The following USP34 variants were observed in gnomAD, a reference collection of about 807,000 sequenced individuals.
USP34 encodes the protein ubiquitin carboxyl-terminal hydrolase 34.
In USP34, 70 loss-of-function variants were observed where a neutral mutation model predicts 460.3. The ratio of observed to expected loss-of-function variants is 0.15; its 90% CI spans 0.13 to 0.19. The LOEUF is 0.19. Among genes scored for constraint, USP34 ranks in the 10% least tolerant of loss-of-function variants. USP34 has a pLI of 1.00. For synonymous variants in USP34, 1,647 were observed against 1,405.3 expected (o/e 1.17, Z -3.85); for missense variants, 3,985 against 4,236.2 (o/e 0.94, Z 1.65).
intron 10 of USP34, among the ~76,000 whole-genome samples, chr2:61,362,140 T>C (rs1692294635): frequency 1.3e-5 from 2 of 152,096 alleles, no homozygotes; most frequent in African/African-American, 2.4e-5. Context: ...ACAACTATTA[T>C]CAAAAAGACA....
intron 1 of USP34, among the ~76,000 whole-genome samples, chr2:61,429,697 A>G (rs1239407492): frequency 6.6e-6 from 1 of 152,228 alleles, no homozygotes; most frequent in Non-Finnish European, 1.5e-5. Context: ...TGATGCACCA[A>G]CAAGCAACAT....
rs760715193 is a variant in USP34 at position 61,383,340 on chromosome 2, T to C, written c.754-4A>G. ...GAATATGTAGCCATATTCTAATCTATATAAGAAACATAAAAACAACATTAA... is the reference window on the plus strand; with the variant it reads ...GAATATGTAGCCATATTCTAATCTACATAAGAAACATAAAAACAACATTAA... On this transcript the variant is annotated splice_region_variant and splice_polypyrimidine_tract_variant and intron_variant, in intron 5 of 79. Coordinates refer to ENST00000398571, the MANE Select transcript of USP34 (RefSeq NM_014709.4). 1.9e-6 allele frequency: 3 copies of C among 1,588,652 alleles called. No individual in the cohort carries two copies. Among genetic ancestry groups the C allele is most frequent in the South Asian group, 2.3e-5 (2 of 87,902 alleles).
chr2:61,364,538 C>G (rs568107362), intron 10 of USP34, among the ~76,000 whole-genome samples: 67 of 152,218 alleles, frequency 4.4e-4, no homozygotes, highest in African/African-American at 1.6e-3. Context: ...AACTTGTACA[C>G]ATATAAATGG....
At chr2:61,446,497 T>G (rs1220767110) in intron 1 of USP34, among the ~76,000 whole-genome samples, 2 of 152,158 alleles carry the variant, frequency 1.3e-5, no homozygotes, top group African/African-American at 2.4e-5. Context: ...TCTGTTACAT[T>G]AAAATCCAGT....
intron 20 of USP34, among the ~76,000 whole-genome samples, chr2:61,328,753 T>A (rs565896157): frequency 6.6e-6 from 1 of 152,328 alleles, no homozygotes; most frequent in East Asian, 1.9e-4. Flanking sequence ...GTCAATGCAG[T>A]GAACAACTAA....
chr2:61,467,211 G>A (rs1017023288), intron 1 of USP34, among the ~76,000 whole-genome samples: 4 of 151,944 alleles, frequency 2.6e-5, no homozygotes, highest in South Asian at 4.2e-4. Context: ...GCTGAGGCAG[G>A]AGAATTGCTG....
At chr2:61,269,887 T>C (rs1689162692) in intron 41 of USP34, among the ~76,000 whole-genome samples, 1 of 152,178 alleles carries the variant, frequency 6.6e-6, no homozygotes, top group African/African-American at 2.4e-5. Context: ...TACCTGTGAT[T>C]TCAAGCATTT....
rs574782632 is a variant in USP34, at chr2:61,339,654, T to G, written c.2528A>C (p.Asn843Thr). Reference protein sequence around the residue: ...QGPVVHKHQFNSNAVTDINLD... With the variant: ...QGPVVHKHQFTSNAVTDINLD... ...ATTAATGTCTGTAACAGCATTACTG[T>G]TGAATTGATGTTTATGAACTACAGG... The change falls in exon 17 of 80, where the codon AAC becomes ACC. Residue 843 changes from asparagine to threonine, a missense_variant. This residue lies in a region of USP34 where 716 missense variants were observed against 626.2 expected (regional missense o/e 1.14). Coordinates refer to ENST00000398571, the MANE Select transcript of USP34 (RefSeq NM_014709.4). 1.3e-6 allele frequency: 2 copies of G among 1,544,858 alleles called. No individual in the cohort carries two copies. Among genetic ancestry groups the G allele is most frequent in the African/African-American group, 2.8e-5 (2 of 71,330 alleles).
chr2:61,242,458 TACACACACACACACAC>T (rs67471702), intron 51 of USP34, among the ~76,000 whole-genome samples: 47 of 129,776 alleles, frequency 3.6e-4, no homozygotes, highest in African/African-American at 8.3e-4. Flanking sequence ...AGATAATACA[TACACACACACACACAC>T]ACACACACAC....
intron 62 of USP34, among the ~76,000 whole-genome samples, chr2:61,225,320 C>T (rs1279848390): frequency 3.3e-5 from 5 of 151,938 alleles, no homozygotes; most frequent in Non-Finnish European, 7.4e-5. Flanking sequence ...CAGAATAATA[C>T]TTTTATTACA....
intron 1 of USP34, among the ~76,000 whole-genome samples, chr2:61,463,064 A>ACTT (rs1695652983): frequency 1.3e-5 from 2 of 152,174 alleles, no homozygotes; most frequent in African/African-American, 4.8e-5. Flanking sequence ...TTTAGATTAA[A>ACTT]TGTCTACTGA....
intron 21 of USP34, among the ~76,000 whole-genome samples, chr2:61,322,229 TCAAAA>T (rs754586142): frequency 2.6e-5 from 4 of 151,856 alleles, no homozygotes; most frequent in South Asian, 2.1e-4. Context: ...AGACTCTGTC[TCAAAA>T]CAAAACAAAG....
chr2:61,274,549 G>A (rs1209455280), intron 41 of USP34, among the ~76,000 whole-genome samples: 2 of 151,802 alleles, frequency 1.3e-5, no homozygotes, highest in Non-Finnish European at 2.9e-5. Flanking sequence ...AGGGATAAAG[G>A]AAAAGGATCT....
At chr2:61,434,145 C>T (rs888041967) in intron 1 of USP34, among the ~76,000 whole-genome samples, 1 of 152,204 alleles carries the variant, frequency 6.6e-6, no homozygotes, top group Non-Finnish European at 1.5e-5. Context: ...CACCCTTACT[C>T]AGTGCCTAAG....
intron 21 of USP34, among the ~76,000 whole-genome samples, chr2:61,323,783 G>C (rs1048050062): frequency 1.3e-4 from 20 of 152,142 alleles, no homozygotes; most frequent in African/African-American, 4.6e-4. Flanking sequence ...GTTTTAGTTT[G>C]ACTTCTCCCT....
intron 5 of USP34, among the ~76,000 whole-genome samples, chr2:61,391,472 G>A (rs541294275): frequency 4.6e-5 from 7 of 152,224 alleles, no homozygotes; most frequent in East Asian, 1.9e-4. Flanking sequence ...ACGTTAGTCC[G>A]TATCTTTCCT....
chr2:61,415,835 T>TA (rs1485081900), intron 2 of USP34, among the ~76,000 whole-genome samples: 1 of 152,236 alleles, frequency 6.6e-6, no homozygotes, highest in Non-Finnish European at 1.5e-5. Flanking sequence ...TAAGTAGAAT[T>TA]ATATGCTGCC....
chr2:61,270,903 T>G (rs6737373), intron 41 of USP34, among the ~76,000 whole-genome samples: 64,312 of 152,070 alleles, frequency 0.42, 14,221 homozygotes, highest in South Asian at 0.7. Context: ...CATGAAACCA[T>G]TGCTTTCCTA....
chr2:61,339,489 T>A lies in USP34; in HGVS notation c.2617-11A>T, dbSNP rs148311876. 1 of 1,563,192 alleles carries A rather than the reference T, an allele frequency of 6.4e-7. No homozygotes were observed. Among genetic ancestry groups the A allele is most frequent in the East Asian group, 2.3e-5 (1 of 43,166 alleles). ...TTCAGAAAGATTAACCTATAAAAAA[T>A]GTATATAAAATTACTATTTATCCTA... On this transcript the variant is annotated splice_polypyrimidine_tract_variant and intron_variant, in intron 17 of 79. Coordinates refer to ENST00000398571, the MANE Select transcript of USP34 (RefSeq NM_014709.4).
Sources: allele counts gnomAD v4.1 joint callset (sites outside exome capture counted in the v4.1 genomes callset), GRCh38; gene constraint gnomAD v4.1.1; regional missense constraint gnomAD v4.1.1; transcripts MANE v1.5; gene names NCBI Gene and HGNC (gene_info 2026-07-23, HGNC 2026-07-21).